The following CMYA5 variants were observed in gnomAD, a reference collection of about 807,000 sequenced individuals.
CMYA5 encodes the protein cardiomyopathy-associated protein 5.
Under a neutral mutation model 318.9 loss-of-function variants are expected in CMYA5, and 246 were observed. The ratio of observed to expected loss-of-function variants is 0.77; its 90% confidence interval spans 0.70 to 0.86. CMYA5 has a LOEUF of 0.86. Among genes scored for constraint, CMYA5 ranks in the 40% least tolerant of loss-of-function variants. CMYA5 has a pLI of 0.00. For synonymous variants in CMYA5, 1,641 were observed against 1,729.5 expected (o/e 0.95, Z 1.27); for missense variants, 4,589 against 4,678.2 (o/e 0.98, Z 0.56).
chr5:79,736,115 T>C lies in CMYA5; in HGVS notation c.7350T>C (p.Ser2450=). The C allele has an allele frequency of 1.2e-6, 2 of 1,613,654 alleles. No individual in the cohort carries two copies. Among genetic ancestry groups the C allele is most frequent in the Non-Finnish European group, 1.7e-6 (2 of 1,179,750 alleles). ...KISEEETKLR[S]VSPTEKKDNL... ...CTGAAGAGGAAACAAAACTCAGGTC[T>C]GTTAGTCCAACTGAGAAGAAAGATA... is the stretch of plus-strand genomic sequence containing the variant. The change falls in exon 2 of 13, where the codon TCT becomes TCC. Residue 2450 remains serine, a synonymous_variant. Transcript: ENST00000446378.
Position 79,726,173 on chromosome 5 carries a change from A to G in CMYA5, c.150-2742A>G, listed in dbSNP as rs544977560. ...TGTGTTCTCTCCTCAGCACTCATGA[A>G]CTCATTCTAGCTGGTAATGAAAACT... On this transcript the variant is annotated intron_variant, in intron 1 of 12. Transcript: ENST00000446378. Among the ~76,000 whole-genome samples, 5 of 152,274 alleles carry G rather than the reference A, an allele frequency of 3.3e-5. No individual in the cohort carries two copies. In the South Asian group the frequency reaches 1.0e-3, roughly 32 times the overall value.
chr5:79,709,537 A>G (rs1827341697), intron 1 of CMYA5, among the ~76,000 whole-genome samples: 1 of 150,844 alleles, frequency 6.6e-6, no homozygotes, highest in South Asian at 2.1e-4. Context: ...CATTATTTGC[A>G]TTTTCCACTT....
At chr5:79,793,152 C>T (rs2287674) in intron 11 of CMYA5, among the ~76,000 whole-genome samples, 35,571 of 152,192 alleles carry the variant, frequency 0.23, 4,557 homozygotes, top group Middle Eastern at 0.31. Context: ...TACCATTATT[C>T]TAGTTATTTC....
At chr5:79,700,030 T>G (rs951364188) in intron 1 of CMYA5, among the ~76,000 whole-genome samples, 11 of 152,192 alleles carry the variant, frequency 7.2e-5, no homozygotes, top group African/African-American at 2.7e-4. Flanking sequence ...CAGGCCTTAT[T>G]TATCTGAATA....
intron 1 of CMYA5, among the ~76,000 whole-genome samples, chr5:79,698,241 A>G (rs1261813091): frequency 6.6e-6 from 1 of 152,184 alleles, no homozygotes; most frequent in Non-Finnish European, 1.5e-5. Flanking sequence ...GAAGAGCTTC[A>G]ATAAATCCCC....
chr5:79,706,606 A>G (rs1827278702), intron 1 of CMYA5, among the ~76,000 whole-genome samples: 2 of 152,174 alleles, frequency 1.3e-5, no homozygotes, highest in Admixed American at 6.5e-5. Context: ...GCGTCCGTTT[A>G]TAGGCTCTCC....
chr5:79,732,325 C>T lies in CMYA5; in HGVS notation c.3560C>T (p.Thr1187Ile). The T allele has an allele frequency of 6.2e-7, 1 of 1,613,830 alleles. No individual in the cohort carries two copies. The highest frequency in any genetic ancestry group is 1.7e-4 in the Middle Eastern group (1 of 6,060). Residue 1187 changes from threonine (T) to isoleucine (I), a missense_variant, in exon 2 of 13, where the codon ACA (threonine) becomes ATA (isoleucine). Transcript: ENST00000446378. ...VPAIKKEQEP[T>I]AALTLKAADE... is the part of the protein sequence containing the mutation. Reference sequence around the variant, plus strand: ...GCAATCAAGAAAGAACAGGAACCCACAGCAGCACTCACTCTAAAAGCTGCA... The same window carrying T: ...GCAATCAAGAAAGAACAGGAACCCATAGCAGCACTCACTCTAAAAGCTGCA...
chr5:79,749,767 T>C (rs1828396685), intron 5 of CMYA5, among the ~76,000 whole-genome samples: 1 of 152,206 alleles, frequency 6.6e-6, no homozygotes, highest in South Asian at 2.1e-4. Flanking sequence ...GATACAGTAC[T>C]AAATCATAAC....
intron 5 of CMYA5, among the ~76,000 whole-genome samples, chr5:79,750,537 T>TAC (rs1306733226): frequency 6.6e-6 from 1 of 152,218 alleles, no homozygotes; most frequent in Non-Finnish European, 1.5e-5. Context: ...TGGTTTATTT[T>TAC]ACCTTGCCAC....
Position 79,730,094 on chromosome 5 carries a change from G to T in CMYA5, c.1329G>T (p.Leu443=). The T allele has an allele frequency of 6.2e-7, 1 of 1,613,726 alleles. No individual in the cohort carries two copies. ...SISLEAASPG[L]AASTQDGLDP... ...CTCTGGAGGCAGCGTCACCAGGTCT[G>T]GCAGCATCTACCCAGGATGGTTTGG... is the stretch of plus-strand genomic sequence containing the variant. Residue 443 remains leucine (L), a synonymous_variant, in exon 2 of 13, where the codon CTG becomes CTT. Transcript: ENST00000446378.
intron 1 of CMYA5, among the ~76,000 whole-genome samples, chr5:79,690,651 C>T (rs983228173): frequency 3.9e-4 from 59 of 152,286 alleles, no homozygotes; most frequent in Non-Finnish European, 7.5e-4. Flanking sequence ...AAAGATGCAC[C>T]TCCCACCCTT....
At chr5:79,713,311 C>T in intron 1 of CMYA5, among the ~76,000 whole-genome samples, 1 of 129,634 alleles carries the variant, frequency 7.7e-6, no homozygotes, top group Admixed American at 8.1e-5. Flanking sequence ...CCACCCCCCA[C>T]CCGCCGTCAC....
At chr5:79,722,459 T>C (rs962462748) in intron 1 of CMYA5, among the ~76,000 whole-genome samples, 19 of 152,046 alleles carry the variant, frequency 1.2e-4, no homozygotes, top group Admixed American at 1.3e-4. Flanking sequence ...GGCAGATCAC[T>C]TGGGGTCAGG....
chr5:79,739,010 C>G lies in CMYA5; in HGVS notation c.10245C>G (p.Ser3415Arg), dbSNP rs749214444. ...PEPSEERLRN[S>R]PVQDEYEFTE... ...CAAGTGAAGAGAGGCTCCGTAATAG[C>G]CCTGTTCAGGATGAGTATGAATTTA... Residue 3415 changes from serine to arginine, a missense_variant, in exon 2 of 13, where the codon AGC becomes AGG. Ser to Arg is a moderately radical substitution (Grantham distance 110, BLOSUM62 -1). Transcript: ENST00000446378. The G allele has an allele frequency of 2.5e-6, 4 of 1,613,820 alleles. No individual in the cohort carries two copies. The Admixed American group carries it at 6.7e-5, about 27-fold the overall frequency.
In CMYA5 at chr5:79,737,278, G is replaced by C. The variant is rs543943260; in HGVS notation, c.8513G>C (p.Arg2838Pro). ...GCAGTGAAGAAAAAAGAAATGCCACGATCAGAATTGACTCCAGAAAGGCAT... is the reference window on the plus strand; with the variant it reads ...GCAGTGAAGAAAAAAGAAATGCCACCATCAGAATTGACTCCAGAAAGGCAT... ...INAVKKKEMP[R>P]SELTPERHTV... is the part of the protein sequence containing the mutation. Residue 2838 changes from arginine to proline, a missense_variant, in exon 2 of 13, where the codon CGA (arginine) becomes CCA (proline). Arg to Pro is a moderately radical substitution (Grantham distance 103). Transcript: ENST00000446378. 2.5e-6 allele frequency: 4 copies of C among 1,613,606 alleles called. No individual in the cohort carries two copies. The highest frequency in any genetic ancestry group is 2.2e-5 in the South Asian group (2 of 91,068).
intron 9 of CMYA5, among the ~76,000 whole-genome samples, chr5:79,778,286 A>C (rs1828980427): frequency 6.6e-6 from 1 of 152,230 alleles, no homozygotes; most frequent in African/African-American, 2.4e-5. Flanking sequence ...TTAGAAGTGG[A>C]ATAACTGGTT....
intron 12 of CMYA5, among the ~76,000 whole-genome samples, chr5:79,798,444 G>C (rs543811461): frequency 2.5e-4 from 38 of 152,022 alleles, no homozygotes; most frequent in Non-Finnish European, 4.1e-4. Flanking sequence ...CCCCAAACTT[G>C]TGTTACTTTT....
In CMYA5 at chr5:79,732,976, T is replaced by C. The variant is rs769344346; in HGVS notation, c.4211T>C (p.Val1404Ala). ...TTAGGAAGTGGTTTGCCACCACTGG[T>C]AACATCTGCAGATGAACATTCAGTT... ...GELGSGLPPLVTSADEHSVLA... is the reference protein window; with the variant it reads ...GELGSGLPPLATSADEHSVLA... Residue 1404 changes from valine (V) to alanine (A), a missense_variant, in exon 2 of 13, where the codon GTA becomes GCA. This residue lies in a region of CMYA5 where 2,132 missense variants were observed against 2,131.3 expected (regional missense o/e 1.00). Coordinates refer to ENST00000446378, the MANE Select transcript of CMYA5 (RefSeq NM_153610.5). 2 of 1,613,328 alleles carry C rather than the reference T, an allele frequency of 1.2e-6. No homozygotes were observed. Among genetic ancestry groups the C allele is most frequent in the East Asian group, 2.2e-5 (1 of 44,858 alleles).
chr5:79,722,331 T>C (rs1270709611), intron 1 of CMYA5, among the ~76,000 whole-genome samples: 4 of 152,218 alleles, frequency 2.6e-5, no homozygotes, highest in African/African-American at 9.6e-5. Flanking sequence ...GAGAAGCACA[T>C]GTCTTGACTT....
Sources: allele counts gnomAD v4.1 joint callset (sites outside exome capture counted in the v4.1 genomes callset), GRCh38; gene constraint gnomAD v4.1.1; regional missense constraint gnomAD v4.1.1; transcripts MANE v1.5; gene names NCBI Gene and HGNC (gene_info 2026-07-23, HGNC 2026-07-21).